The following MEGF6 variants were observed in gnomAD, a reference collection of about 807,000 sequenced individuals.
MEGF6 encodes multiple EGF like domains 6, also known as multiple epidermal growth factor-like domains protein 6.
MEGF6 carries 184 observed loss-of-function variants against 207.1 expected under a neutral mutation model. That is an observed-to-expected ratio of 0.89 (90% CI 0.79 to 1.00). The LOEUF (loss-of-function observed/expected upper bound fraction) is 1.00. Ranked by LOEUF, MEGF6 falls within the 50% of genes least tolerant of loss-of-function variation. The probability of loss-of-function intolerance (pLI) is 0.00; values close to 1 mark genes in which losing one functional copy is unlikely to be tolerated. For missense variants in MEGF6, 2,282 were observed against 2,202.9 expected (o/e 1.04, Z -0.72); for synonymous variants, 1,038 against 910.0 (o/e 1.14, Z -2.53).
Position 3,556,208 on chromosome 1 carries a change from G to A in MEGF6, c.481+23617C>T, listed in dbSNP as rs557108929. ...GTCCATGCTCTGCTCCCCAAGCCCC[G>A]TCAGGATTTCCCAGGATGGGGAGTG... On this transcript the variant is annotated intron_variant, in intron 4 of 36. Coordinates refer to ENST00000356575, the MANE Select transcript of MEGF6 (RefSeq NM_001409.4). This position sits in a 1 kb window ranked among gnomAD's most constrained non-coding sequence, Gnocchi z 4.4. 1.3e-3 allele frequency among the ~76,000 whole-genome samples: 203 copies of A among 152,318 alleles called. No individual in the cohort carries two copies. Among genetic ancestry groups the A allele is most frequent in the African/African-American group, 4.4e-3 (185 of 41,590 alleles).
intron 4 of MEGF6, among the ~76,000 whole-genome samples, chr1:3,540,480 G>A (rs1302836786): frequency 6.6e-6 from 1 of 152,206 alleles, no homozygotes; most frequent in East Asian, 1.9e-4. Flanking sequence ...TGGGCTCCAG[G>A]GCCCATGGGC....
intron 11 of MEGF6, 50 bp from the exon 12 acceptor site, chr1:3,509,295 C>T: frequency 7.2e-7 from 1 of 1,381,340 alleles, no homozygotes; most frequent in Non-Finnish European, 9.4e-7. Flanking sequence ...CCTGCCTGCT[C>T]CAGCGACCCC....
intron 14 of MEGF6, among the ~76,000 whole-genome samples, chr1:3,507,438 C>A (rs994065358): frequency 6.6e-6 from 1 of 152,184 alleles, no homozygotes; most frequent in Non-Finnish European, 1.5e-5. Context: ...CCTCACCCAG[C>A]CATCACCAGC....
In MEGF6 at chr1:3,585,699, T is replaced by C. The variant is rs187771384; in HGVS notation, c.377-5770A>G. Among the ~76,000 whole-genome samples, 920 of 136,042 alleles carry C rather than the reference T, an allele frequency of 6.8e-3. 16 individuals carry two copies. The highest frequency in any genetic ancestry group is 0.021 in the Middle Eastern group (3 of 146). The allele number at this position is 136,042 out of a possible 152,430, so 89.2% of individuals were successfully genotyped here. On this transcript the variant is annotated intron_variant, in intron 3 of 36. Transcript: ENST00000356575. ...ATGACCTGTGTGTGGGTGTGACATA[T>C]GTCCTGTGTGTGGGTGTGAGGACGC...
chr1:3,615,942 C>G (rs1181754764), upstream of MEGF6, among the ~76,000 whole-genome samples: 2 of 152,254 alleles, frequency 1.3e-5, no homozygotes, highest in African/African-American at 4.8e-5. Context: ...ATTTTTAAAT[C>G]TGGCAAACAA....
intron 4 of MEGF6, among the ~76,000 whole-genome samples, chr1:3,557,760 G>A (rs899791509): frequency 2.0e-5 from 3 of 152,362 alleles, no homozygotes; most frequent in Non-Finnish European, 4.4e-5. Flanking sequence ...GGGATAAAGT[G>A]CAGAAGGGCA....
At chr1:3,621,776 G>A in the MEGF6 span, among the ~76,000 whole-genome samples, 27 of 152,186 alleles carry the variant, frequency 1.8e-4, no homozygotes, top group Non-Finnish European at 3.7e-4. Flanking sequence ...CAAGGCCTTG[G>A]AAGCCCACCC....
rs756802203 is a variant in MEGF6 at position 3,511,561 on chromosome 1, CTCTGA to C, written c.1098_1102del (p.Asp366GlufsTer44). 1.2e-6 allele frequency: 2 copies of C among 1,608,894 alleles called. No homozygotes were observed. Among genetic ancestry groups the C allele is most frequent in the Admixed American group, 1.7e-5 (1 of 59,876 alleles). ...GAGCCAGTGCGCACCGATGCAGGTCCTCTGATCTGTGTCCAGCTCGTAGCCGCGGG... is the reference window on the plus strand; with the variant it reads ...GAGCCAGTGCGCACCGATGCAGGTCCTCTGTGTCCAGCTCGTAGCCGCGGG... On this transcript the variant is annotated frameshift_variant, in exon 9 of 37. Transcript: ENST00000356575. LOFTEE classifies it high-confidence loss of function.
intron 26 of MEGF6, 71 bp downstream of exon 26, chr1:3,498,300 C>T: frequency 2.0e-6 from 3 of 1,528,298 alleles, no homozygotes; most frequent in South Asian, 2.4e-5. Context: ...AGTCCTCAGC[C>T]CTGCAGTAAG....
chr1:3,498,828 T>A lies in MEGF6; in HGVS notation c.3095-2A>T. 6.4e-7 allele frequency: 1 copy of A among 1,550,964 alleles called. No individual in the cohort carries two copies. Among genetic ancestry groups the A allele is most frequent in the Non-Finnish European group, 8.7e-7 (1 of 1,147,540 alleles). ...CGCCGTACAGGCCGGCAGGGCAGGC[T>A]GGGGCCAGGGAAGAGGGAGCAACCT... is the stretch of plus-strand genomic sequence containing the variant. On this transcript the variant is annotated splice_acceptor_variant, in intron 24 of 36. Coordinates refer to ENST00000356575, the MANE Select transcript of MEGF6 (RefSeq NM_001409.4). LOFTEE classifies it high-confidence loss of function.
At chr1:3,586,592 G>A (rs571146076) in intron 3 of MEGF6, among the ~76,000 whole-genome samples, 1 of 152,310 alleles carries the variant, frequency 6.6e-6, no homozygotes, top group South Asian at 2.1e-4. Flanking sequence ...TGCTGTGTCT[G>A]CATGGAGGAA....
At chr1:3,494,174 T>C in intron 32 of MEGF6, 50 bp from the exon 33 acceptor site, 3 of 1,520,516 alleles carry the variant, frequency 2.0e-6, no homozygotes, top group South Asian at 1.3e-5. Context: ...GGCAGAAATG[T>C]CCAGTTTGCC....
chr1:3,515,339 C>G, intron 6 of MEGF6, 63 bp downstream of exon 6: 1 of 1,546,182 alleles, frequency 6.5e-7, no homozygotes, highest in South Asian at 1.2e-5. Context: ...CCCAACAGCC[C>G]AGGCGAGGCA....
At position 3,591,398 on chromosome 1, in the gene MEGF6, T is replaced by A. The variant is rs7548384; in HGVS notation, c.376+3940A>T. On this transcript the variant is annotated intron_variant, in intron 3 of 36. Coordinates refer to ENST00000356575, the MANE Select transcript of MEGF6 (RefSeq NM_001409.4). The stretch of plus-strand genomic sequence containing the variant: ...GGTGCCCGATCACCATGTGTGCCAC[T>A]GTCACTGTCACTGCTACTAACAGGA... Among the ~76,000 whole-genome samples, 181 of 152,306 alleles carry A rather than the reference T, an allele frequency of 1.2e-3. 1 individual carries two copies. The highest frequency in any genetic ancestry group is 4.1e-3 in the African/African-American group (172 of 41,576).
intron 1 of MEGF6, among the ~76,000 whole-genome samples, chr1:3,603,578 G>A (rs539301111): frequency 2.5e-4 from 38 of 152,252 alleles, no homozygotes; most frequent in East Asian, 7.8e-4. Context: ...GGTGCGGGCC[G>A]GTGTCTCCCC....
intron 1 of MEGF6, among the ~76,000 whole-genome samples, chr1:3,605,680 GCA>G (rs1557430736): frequency 6.6e-6 from 1 of 150,494 alleles, no homozygotes; most frequent in Admixed American, 6.7e-5. Flanking sequence ...ACACACACTC[GCA>G]CACACATATG....
At chr1:3,554,512 A>T (rs1642979963) in intron 4 of MEGF6, among the ~76,000 whole-genome samples, 2 of 152,164 alleles carry the variant, frequency 1.3e-5, no homozygotes, top group South Asian at 4.1e-4. Flanking sequence ...AGGCAGCTAC[A>T]TCCCTTTCCT....
upstream of MEGF6, among the ~76,000 whole-genome samples, chr1:3,614,087 T>C (rs189235332): frequency 3.2e-4 from 49 of 152,334 alleles, no homozygotes; most frequent in East Asian, 8.1e-3. Context: ...TTCAGGGTGA[T>C]GGGGGCAATC....
In MEGF6 at chr1:3,560,346, T is replaced by G. The variant is rs1329879309; in HGVS notation, c.481+19479A>C. Among the ~76,000 whole-genome samples, 4 of 152,314 alleles carry G rather than the reference T, an allele frequency of 2.6e-5. No individual in the cohort carries two copies. In the South Asian group the frequency reaches 8.3e-4, roughly 32 times the overall value. On this transcript the variant is annotated intron_variant, in intron 4 of 36. Transcript: ENST00000356575. The surrounding 1 kb of genome is among the most constrained non-coding windows in gnomAD (Gnocchi z 4.0). ...GTCCAGGGTTCCTTTCAGGGCCCAC[T>G]AGGGGCTGTGCATTCCATGGACTTG... is the stretch of plus-strand genomic sequence containing the variant.
Sources: gnomAD v4.1 joint callset for allele counts (sites outside exome capture counted in the v4.1 genomes callset) on GRCh38, gnomAD v4.1.1 for gene constraint, Gnocchi (gnomAD v3.1) non-coding constraint, MANE v1.5 for transcripts, NCBI Gene and HGNC (gene_info 2026-07-23, HGNC 2026-07-21) for gene names.